KIF4A: variants seen among roughly 807,000 people sequenced by gnomAD.
KIF4A encodes the protein chromosome-associated kinesin KIF4A.
In KIF4A, 7 loss-of-function variants were observed where a neutral mutation model predicts 105.9. The observed-to-expected ratio is 0.07, with a 90% CI of 0.04 to 0.12. The LOEUF (loss-of-function observed/expected upper bound fraction) is 0.12, where lower values mean the gene tolerates loss of function less well. KIF4A is among the 10% of genes least tolerant of loss of function. The pLI is 1.00. For missense variants in KIF4A, 558 were observed against 929.2 expected (o/e 0.60, Z 5.19); for synonymous variants, 281 against 331.3 (o/e 0.85, Z 1.65).
intron 28 of KIF4A, among the ~76,000 whole-genome samples, chrX:70,410,781 C>T (rs1467611645): frequency 8.9e-6 from 1 of 111,965 alleles, no homozygotes; most frequent in African/African-American, 3.2e-5. Flanking sequence ...GCCTGCAGCT[C>T]ACCTCCTGCT....
At position 70,395,723 on chromosome X, in the gene KIF4A, G is replaced by A. The variant is rs755110694; in HGVS notation, c.2285G>A (p.Arg762His). ...ATGGTCAGTACTGAGGAAGCCAAAC[G>A]CCATCTGAATGACCTCCTTGAAGAT... ...EVMVSTEEAK[R>H]HLNDLLEDRK... Residue 762 changes from arginine to histidine, a missense_variant, in exon 21 of 31, where the codon CGC becomes CAC. By Grantham distance (29) the Arg-to-His change is conservative. Coordinates refer to ENST00000374403, the MANE Select transcript of KIF4A (RefSeq NM_012310.5). 7 of 1,211,393 alleles carry A rather than the reference G, an allele frequency of 5.8e-6. No individual in the cohort carries two copies. In the Admixed American group the frequency reaches 6.5e-5, roughly 11 times the overall value.
chrX:70,350,494 A>G (rs2086025406), intron 13 of KIF4A, among the ~76,000 whole-genome samples: 2 of 98,607 alleles, frequency 2.0e-5, no homozygotes, highest in African/African-American at 4.1e-5. Context: ...GGAGAGGGAG[A>G]GGGAAAGGGA....
At chrX:70,378,298 T>C (rs1361782402) in intron 18 of KIF4A, among the ~76,000 whole-genome samples, 2 of 108,394 alleles carry the variant, frequency 1.8e-5, no homozygotes, top group Non-Finnish European at 3.8e-5. Flanking sequence ...CTGGGCAAAA[T>C]TGTGAGACTG....
chrX:70,375,511 C>T (rs2086171396), intron 17 of KIF4A, among the ~76,000 whole-genome samples, 163 bp downstream of exon 17: 1 of 111,980 alleles, frequency 8.9e-6, no homozygotes, highest in Non-Finnish European at 1.9e-5. Context: ...GAACATTGTG[C>T]TAGTGGTCAT....
At chrX:70,355,492 C>T (rs752976404) in intron 15 of KIF4A, among the ~76,000 whole-genome samples, 1 of 111,831 alleles carries the variant, frequency 8.9e-6, no homozygotes, top group East Asian at 2.8e-4. Flanking sequence ...GGGTCTTGGG[C>T]GGGGCCAATA....
chrX:70,412,044 T>C (rs1191331421), intron 28 of KIF4A, among the ~76,000 whole-genome samples: 1 of 111,606 alleles, frequency 9.0e-6, no homozygotes, highest in Non-Finnish European at 1.9e-5. Flanking sequence ...GTTATGCCTG[T>C]GATAGGGACA....
intron 15 of KIF4A, among the ~76,000 whole-genome samples, chrX:70,371,235 C>T (rs867496130): frequency 3.0e-5 from 3 of 99,183 alleles, no homozygotes; most frequent in Admixed American, 1.1e-4. Context: ...ACTTCGTTTT[C>T]TTTTTTTTTT....
At chrX:70,403,833 A>G (rs919274909) in intron 23 of KIF4A, 31 bp from the exon 24 acceptor site, 2 of 1,153,423 alleles carry the variant, frequency 1.7e-6, no homozygotes, top group African/African-American at 3.6e-5. Context: ...GTCATTCTTC[A>G]AATAAACTGA....
At chrX:70,363,537 T>A (rs2086086748) in intron 15 of KIF4A, among the ~76,000 whole-genome samples, 1 of 111,404 alleles carries the variant, frequency 9.0e-6, no homozygotes, top group African/African-American at 3.3e-5. Flanking sequence ...GAATGATGGT[T>A]TCCAGCTTCA....
At chrX:70,315,496 C>T (rs1254694899) in intron 7 of KIF4A, among the ~76,000 whole-genome samples, 1 of 111,994 alleles carries the variant, frequency 8.9e-6, no homozygotes, top group African/African-American at 3.2e-5. Flanking sequence ...CATTCAGCAA[C>T]TCTATTCATT....
At position 70,373,592 on chromosome X, in the gene KIF4A, G is replaced by A. The variant is rs747671063; in HGVS notation, c.1675-559G>A. Reference sequence around the variant, plus strand: ...TACATATATACGTGTATATATATACGTATATATATACATATATACGTGTAT... The same window carrying A: ...TACATATATACGTGTATATATATACATATATATATACATATATACGTGTAT... On this transcript the variant is annotated intron_variant, in intron 15 of 30. Coordinates refer to ENST00000374403, the MANE Select transcript of KIF4A (RefSeq NM_012310.5). Among the ~76,000 whole-genome samples, 22 of 13,782 alleles carry A rather than the reference G, an allele frequency of 1.6e-3. 4 individuals carry two copies. The highest frequency in any genetic ancestry group is 7.6e-3 in the Admixed American group (5 of 659). 12.0% of individuals were successfully genotyped at this position (13,782 alleles called of 115,157 possible). A position where few individuals can be genotyped will look rare whatever the true frequency, so the allele number is the denominator to read the frequency against.
intron 13 of KIF4A, among the ~76,000 whole-genome samples, chrX:70,349,159 G>GT (rs2086009461): frequency 1.1e-5 from 1 of 95,191 alleles, no homozygotes; most frequent in Non-Finnish European, 2.1e-5. Flanking sequence ...CCCAGACGAT[G>GT]GGCGGCCGGG....
chrX:70,420,536 C>T lies in KIF4A; in HGVS notation c.*271C>T. 3.3e-6 allele frequency: 1 copy of T among 305,816 alleles called. No homozygotes were observed. Among genetic ancestry groups the T allele is most frequent in the South Asian group, 1.1e-4 (1 of 8,880 alleles). The allele number at this position is 305,816 out of a possible 1,213,427, so 25.2% of individuals were successfully genotyped here. A position where few individuals can be genotyped will look rare whatever the true frequency, so the allele number is the denominator to read the frequency against. ...CCTATTGACTCATCAGGAACCAGTC[C>T]TCAGTCTGGTCAAGTTGTTTCTTAT... On this transcript the variant is annotated 3_prime_UTR_variant, in exon 31 of 31. Coordinates refer to ENST00000374403, the MANE Select transcript of KIF4A (RefSeq NM_012310.5).
intron 7 of KIF4A, among the ~76,000 whole-genome samples, chrX:70,302,652 T>G (rs185093505): frequency 6.2e-5 from 7 of 112,229 alleles, no homozygotes; most frequent in Non-Finnish European, 1.1e-4. Context: ...AGTTTTGTTT[T>G]GTTTTGTTTT....
At chrX:70,380,453 A>G (rs987542821) in intron 18 of KIF4A, among the ~76,000 whole-genome samples, 23 of 112,627 alleles carry the variant, frequency 2.0e-4, no homozygotes, top group African/African-American at 7.4e-4. Context: ...CAATAGACAC[A>G]GAAAAAGCAT....
chrX:70,353,661 G>C lies in KIF4A; in HGVS notation c.1528G>C (p.Ala510Pro), dbSNP rs1229522307. 8.3e-7 allele frequency: 1 copy of C among 1,209,043 alleles called. No homozygotes were observed. The highest frequency in any genetic ancestry group is 3.0e-5 in the East Asian group (1 of 33,761). The change falls in exon 15 of 31, where the codon GCT (alanine) becomes CCT (proline). Residue 510 changes from alanine (A) to proline (P), a missense_variant. Physicochemically the swap from Ala to Pro is conservative, Grantham distance 27. Transcript: ENST00000374403. ...TSPETSRSSD[A>P]FTTQHALRQA... is the part of the protein sequence containing the mutation. ...TCCAGAGACGAGCAGGTCTTCTGAC[G>C]CTTTTACCACTCAGCATGCTCTCCG...
intron 9 of KIF4A, among the ~76,000 whole-genome samples, chrX:70,330,678 T>C (rs1044395831): frequency 9.0e-6 from 1 of 111,572 alleles, no homozygotes; most frequent in African/African-American, 3.3e-5. Flanking sequence ...GAGGGTGATA[T>C]GATAAAATGT....
At chrX:70,414,944 C>T (rs759100487) in intron 28 of KIF4A, among the ~76,000 whole-genome samples, 22 of 112,211 alleles carry the variant, frequency 2.0e-4, no homozygotes, top group South Asian at 7.4e-4. Flanking sequence ...CCACTTTCTT[C>T]TACGATTTTT....
intron 7 of KIF4A, among the ~76,000 whole-genome samples, chrX:70,323,426 G>T (rs1407598406): frequency 9.0e-6 from 1 of 111,057 alleles, no homozygotes; most frequent in African/African-American, 3.3e-5. Flanking sequence ...CATGCCATAG[G>T]TCCTCACTGA....
Sources: gnomAD v4.1 joint callset for allele counts (sites outside exome capture counted in the v4.1 genomes callset) on GRCh38, gnomAD v4.1.1 for gene constraint, MANE v1.5 for transcripts, NCBI Gene and HGNC (gene_info 2026-07-23, HGNC 2026-07-21) for gene names.